RRM2: variants seen among roughly 807,000 people sequenced by gnomAD.
The protein encoded by RRM2 is ribonucleotide reductase regulatory subunit M2, also known as ribonucleoside-diphosphate reductase subunit M2.
In RRM2, 6 loss-of-function variants were observed where a neutral mutation model predicts 45.9. The observed-to-expected ratio is 0.13, with a 90% CI of 0.07 to 0.26. The LOEUF is 0.26. Among genes scored for constraint, RRM2 ranks in the 10% least tolerant of loss-of-function variants. RRM2 has a pLI of 1.00. For synonymous variants in RRM2, 177 were observed against 173.0 expected (o/e 1.02, Z -0.18); for missense variants, 343 against 489.5 (o/e 0.70, Z 2.82).
intron 3 of RRM2, among the ~76,000 whole-genome samples, chr2:10,176,023 C>G (rs1384404444): frequency 1.3e-5 from 2 of 152,186 alleles, no homozygotes; most frequent in Non-Finnish European, 1.5e-5. Flanking sequence ...TCATCCATAT[C>G]TGTAGCATGT....
intron 3 of RRM2, among the ~76,000 whole-genome samples, chr2:10,155,478 G>T (rs958327074): frequency 6.6e-6 from 1 of 152,024 alleles, no homozygotes; most frequent in East Asian, 1.9e-4. Context: ...GACTGAGCTT[G>T]GTGTGTCCCC....
intron 3 of RRM2, among the ~76,000 whole-genome samples, chr2:10,201,109 A>G (rs1056162705): frequency 6.6e-6 from 1 of 150,952 alleles, no homozygotes; most frequent in Non-Finnish European, 1.5e-5. Flanking sequence ...AGATTGCACC[A>G]CTGCTCTCCA....
intron 3 of RRM2, among the ~76,000 whole-genome samples, chr2:10,208,792 C>G (rs943298533): frequency 6.6e-6 from 1 of 152,148 alleles, no homozygotes; most frequent in Admixed American, 6.5e-5. Context: ...GTGAGCCTAT[C>G]TCAGGTTCTG....
intron 3 of RRM2, among the ~76,000 whole-genome samples, chr2:10,150,111 C>A (rs916026407): frequency 6.6e-6 from 1 of 151,722 alleles, no homozygotes; most frequent in Non-Finnish European, 1.5e-5. Context: ...CCCAGGAGTT[C>A]GAGAGCAGTC....
chr2:10,148,481 AT>A (rs1467728916), intron 3 of RRM2, among the ~76,000 whole-genome samples: 1 of 152,230 alleles, frequency 6.6e-6, no homozygotes, highest in African/African-American at 2.4e-5. Context: ...AGAATATAAA[AT>A]TCTTAGGCCA....
In RRM2 at chr2:10,167,966, G is replaced by A. The variant is rs935569711; in HGVS notation, n.482+25591G>A. 9.3e-5 allele frequency among the ~76,000 whole-genome samples: 14 copies of A among 151,070 alleles called. 1 individual carries two copies. Among genetic ancestry groups the A allele is most frequent in the African/African-American group, 2.7e-4 (11 of 41,056 alleles). ...GAAAAGCTCTTCCTCTACCTACTTT[G>A]TTCTGTGTTTGGGGGTCTGAGAAAT... is the stretch of plus-strand genomic sequence containing the variant. On this transcript the variant is annotated intron_variant and non_coding_transcript_variant, in intron 3 of 3. Transcript: ENST00000381786.
intron 3 of RRM2, chr2:10,199,141 T>C (rs1474853522): frequency 2.0e-5 from 3 of 152,052 alleles, no homozygotes; most frequent in Non-Finnish European, 2.9e-5. Context: ...AACATGGTGC[T>C]GGAGTGGAAG....
intron 5 of RRM2, 176 bp from the exon 6 acceptor site, chr2:10,126,699 C>A: frequency 3.2e-6 from 2 of 618,666 alleles, no homozygotes; most frequent in Admixed American, 3.0e-5. Context: ...TAAAAGAACA[C>A]TGGAGGGAAA....
Position 10,129,046 on chromosome 2 carries a change from C to T in RRM2, c.909C>T (p.Phe303=). The T allele has an allele frequency of 1.4e-5, 23 of 1,614,052 alleles. No individual in the cohort carries two copies. Among genetic ancestry groups the T allele is most frequent in the Non-Finnish European group, 1.9e-5 (22 of 1,179,922 alleles). Residue 303 remains phenylalanine (F), a synonymous_variant, in exon 9 of 10, where the codon TTC becomes TTT. Transcript: ENST00000304567. This position sits in a 1 kb window ranked among gnomAD's most constrained non-coding sequence, Gnocchi z 4.8. The stretch of plus-strand genomic sequence containing the variant: ...AGCTGTATTTTGGTTCCTAGGAGTT[C>T]CTCACTGAGGCCTTGCCTGTGAAGC... ...IINAVRIEQE[F]LTEALPVKLI...
upstream of RRM2, among the ~76,000 whole-genome samples, chr2:10,137,442 G>C (rs1158595981): frequency 1.3e-5 from 2 of 152,248 alleles, no homozygotes; most frequent in African/African-American, 4.8e-5. Context: ...CACTGTGGTA[G>C]TGGGGGAGGG....
intron 3 of RRM2, among the ~76,000 whole-genome samples, chr2:10,201,939 C>A (rs986042038): frequency 2.6e-5 from 4 of 152,046 alleles, no homozygotes; most frequent in Non-Finnish European, 4.4e-5. Flanking sequence ...AATGTTAAAC[C>A]GAATTAATAA....
At chr2:10,176,212 T>C (rs1663910896) in intron 3 of RRM2, among the ~76,000 whole-genome samples, 1 of 152,138 alleles carries the variant, frequency 6.6e-6, no homozygotes, top group South Asian at 2.1e-4. Context: ...CTGTTTTCAG[T>C]TTTTTTGGGC....
intron 3 of RRM2, among the ~76,000 whole-genome samples, chr2:10,152,196 C>T (rs905586210): frequency 1.4e-4 from 22 of 152,232 alleles, no homozygotes; most frequent in Non-Finnish European, 1.5e-5. Context: ...GATCCGCCTG[C>T]CTCGGCCTCC....
chr2:10,147,272 A>AG (rs1443655955), intron 3 of RRM2, among the ~76,000 whole-genome samples: 2 of 151,210 alleles, frequency 1.3e-5, no homozygotes, highest in East Asian at 2.0e-4. Context: ...TTTAAAGATA[A>AG]GGGTTTTTTT....
At chr2:10,186,023 G>A (rs1359938541) in intron 3 of RRM2, among the ~76,000 whole-genome samples, 1 of 152,114 alleles carries the variant, frequency 6.6e-6, no homozygotes, top group Non-Finnish European at 1.5e-5. Context: ...GCCTAAATTC[G>A]GCAGAAATCT....
chr2:10,193,820 C>CT (rs1209123831), intron 3 of RRM2, among the ~76,000 whole-genome samples: 1 of 152,190 alleles, frequency 6.6e-6, no homozygotes, highest in Non-Finnish European at 1.5e-5. Flanking sequence ...GGCTGGGCCT[C>CT]TGAGAGCAAG....
At chr2:10,191,068 AG>A (rs1202996534) in intron 3 of RRM2, among the ~76,000 whole-genome samples, 3 of 152,212 alleles carry the variant, frequency 2.0e-5, no homozygotes, top group Non-Finnish European at 4.4e-5. Flanking sequence ...AGGCATGGCG[AG>A]ATGAGCAGTT....
At chr2:10,198,444 C>T (rs1419562686) in intron 3 of RRM2, 5 of 151,802 alleles carry the variant, frequency 3.3e-5, no homozygotes, top group Admixed American at 6.6e-5. Context: ...GTGCTGTTGC[C>T]CAGCCTGGAG....
At chr2:10,180,650 A>G (rs1024515704) in intron 3 of RRM2, among the ~76,000 whole-genome samples, 3 of 152,078 alleles carry the variant, frequency 2.0e-5, no homozygotes, top group Admixed American at 6.5e-5. Flanking sequence ...CTCTTCTTCT[A>G]TGAAGCCCTC....
Sources: allele counts gnomAD v4.1 joint callset (sites outside exome capture counted in the v4.1 genomes callset), GRCh38; gene constraint gnomAD v4.1.1; non-coding constraint Gnocchi (gnomAD v3.1); transcripts MANE v1.5; gene names NCBI Gene and HGNC (gene_info 2026-07-23, HGNC 2026-07-21).